C6orf132: variants seen among roughly 807,000 people sequenced by gnomAD.
C6orf132 encodes uncharacterized protein C6orf132.
Under a neutral mutation model 65.3 loss-of-function variants are expected in C6orf132, and 43 were observed. The ratio of observed to expected loss-of-function variants is 0.66; its 90% CI spans 0.52 to 0.85. The LOEUF (loss-of-function observed/expected upper bound fraction) is 0.85. C6orf132 is among the 40% of genes least tolerant of loss of function. The probability of loss-of-function intolerance (pLI) is 0.00; values close to 1 mark genes in which losing one functional copy is unlikely to be tolerated. For synonymous variants in C6orf132, 631 were observed against 654.1 expected, an observed-to-expected ratio of 0.96 and a Z score of 0.54; for missense variants, 1,488 against 1,548.8, an observed-to-expected ratio of 0.96 and a Z score of 0.66.
At position 42,124,989 on chromosome 6, in the gene C6orf132, C is replaced by T. The variant is rs1332733627; in HGVS notation, c.252+3683G>A. On this transcript the variant is annotated intron_variant, in intron 2 of 4. Transcript: ENST00000341865. The surrounding 1 kb of genome is among the most constrained non-coding windows in gnomAD (Gnocchi z 4.0). Reference sequence around the variant, plus strand: ...CTAAAGGCATATCATGGGTGGGCTTCAGTCCCCTGCTGAAATTGTAAGCAA... The same window carrying T: ...CTAAAGGCATATCATGGGTGGGCTTTAGTCCCCTGCTGAAATTGTAAGCAA... Among the ~76,000 whole-genome samples, 1 of 152,162 alleles carries T rather than the reference C, an allele frequency of 6.6e-6. No individual in the cohort carries two copies. The highest frequency in any genetic ancestry group is 1.5e-5 in the Non-Finnish European group (1 of 68,028).
intron 3 of C6orf132, among the ~76,000 whole-genome samples, chr6:42,108,458 G>A (rs1766447562): frequency 6.6e-6 from 1 of 152,134 alleles, no homozygotes; most frequent in African/African-American, 2.4e-5. Flanking sequence ...AGGGAAGGTG[G>A]GAAAGAGATA....
chr6:42,103,974 C>A, intron 4 of C6orf132, 96 bp from the exon 5 acceptor site: 1 of 864,634 alleles, frequency 1.2e-6, no homozygotes, highest in South Asian at 2.8e-5. Context: ...AGATGCTGCT[C>A]ATACTTCTGT....
chr6:42,125,373 G>A (rs1766747926), intron 2 of C6orf132, among the ~76,000 whole-genome samples: 1 of 152,198 alleles, frequency 6.6e-6, no homozygotes, highest in African/African-American at 2.4e-5. Context: ...TGCTCGGAGG[G>A]TGGCTTTGTT....
chr6:42,129,679 C>T (rs1019467225), intron 1 of C6orf132, among the ~76,000 whole-genome samples: 28 of 152,198 alleles, frequency 1.8e-4, no homozygotes, highest in African/African-American at 6.5e-4. Flanking sequence ...CCTCATGACC[C>T]TTGATACACA....
At chr6:42,125,462 C>A (rs1333490431) in intron 2 of C6orf132, among the ~76,000 whole-genome samples, 1 of 152,160 alleles carries the variant, frequency 6.6e-6, no homozygotes, top group African/African-American at 2.4e-5. Context: ...ACAGGCCGTG[C>A]CACTGGATGG....
chr6:42,121,238 G>A (rs1000188940), intron 2 of C6orf132, among the ~76,000 whole-genome samples: 10 of 152,144 alleles, frequency 6.6e-5, no homozygotes, highest in Non-Finnish European at 1.2e-4. Flanking sequence ...CCACTGCTCC[G>A]GGCACAGCCT....
Position 42,102,179 on chromosome 6 carries a change from CA to C in C6orf132, c.*1581del, listed in dbSNP as rs1766297668. The C allele has an allele frequency of 6.6e-6, 1 of 150,448 alleles. No homozygotes were observed. Among genetic ancestry groups the C allele is most frequent in the Non-Finnish European group, 1.5e-5 (1 of 67,950 alleles). The allele number at this position is 150,448 out of a possible 1,614,324, so 9.3% of individuals were successfully genotyped here. On this transcript the variant is annotated 3_prime_UTR_variant, in exon 5 of 5. Coordinates refer to ENST00000341865, the MANE Select transcript of C6orf132 (RefSeq NM_001164446.3). ...CAAGCATAAACCTGGACTGCCCAGGCAAAGGACACGTGGTCACCCTACTGAT... is the reference window on the plus strand; with the variant it reads ...CAAGCATAAACCTGGACTGCCCAGGCAAGGACACGTGGTCACCCTACTGAT...
intron 2 of C6orf132, among the ~76,000 whole-genome samples, chr6:42,127,511 G>A (rs1766785604): frequency 6.6e-6 from 1 of 152,166 alleles, no homozygotes; most frequent in Non-Finnish European, 1.5e-5. Context: ...TGCCAGGCAG[G>A]CAGTGCTAGG....
intron 1 of C6orf132, among the ~76,000 whole-genome samples, chr6:42,132,864 A>G (rs113171505): frequency 6.7e-6 from 1 of 148,574 alleles, no homozygotes; most frequent in South Asian, 2.1e-4. Context: ...CTCAAAAAAA[A>G]AAAAGAAAAG....
chr6:42,139,759 C>A (rs1767004722), intron 1 of C6orf132, among the ~76,000 whole-genome samples: 1 of 152,136 alleles, frequency 6.6e-6, no homozygotes, highest in Non-Finnish European at 1.5e-5. Context: ...TGGCCCAAGA[C>A]AATTCTTCTT....
intron 1 of C6orf132, among the ~76,000 whole-genome samples, chr6:42,138,709 G>A (rs929174446): frequency 1.3e-5 from 2 of 152,150 alleles, no homozygotes; most frequent in Admixed American, 6.5e-5. Flanking sequence ...GTGCAGCGGT[G>A]GTAGATAAAG....
chr6:42,109,275 A>T (rs929394955), intron 3 of C6orf132, among the ~76,000 whole-genome samples: 2 of 152,098 alleles, frequency 1.3e-5, no homozygotes, highest in African/African-American at 4.8e-5. Context: ...TCTACTAAAA[A>T]TACAAAAATT....
At position 42,105,108 on chromosome 6, in the gene C6orf132, C is replaced by T; in HGVS notation, c.2804G>A (p.Trp935Ter). The change falls in exon 4 of 5, where the codon TGG becomes TAG. Residue 935 changes from tryptophan (W) to a stop codon, truncating the protein, a stop_gained. Transcript: ENST00000341865. LOFTEE classifies it high-confidence loss of function. ...EGTELSRRHN[W>*]TKPEPQAPVA... ...AGGGGCCTGGGGCTCTGGCTTTGTCCAGTTGTGCCTGCGGCTCAGCTCTGT... is the reference window on the plus strand; with the variant it reads ...AGGGGCCTGGGGCTCTGGCTTTGTCTAGTTGTGCCTGCGGCTCAGCTCTGT... 1 of 1,537,006 alleles carries T rather than the reference C, an allele frequency of 6.5e-7. No individual in the cohort carries two copies. Among genetic ancestry groups the T allele is most frequent in the Non-Finnish European group, 8.7e-7 (1 of 1,146,868 alleles).
intron 2 of C6orf132, among the ~76,000 whole-genome samples, chr6:42,111,850 A>T (rs952079972): frequency 2.5e-4 from 38 of 152,034 alleles, no homozygotes; most frequent in African/African-American, 8.9e-4. Flanking sequence ...TTCCAAACAC[A>T]CATTTCCATA....
At chr6:42,139,576 A>C (rs899463249) in intron 1 of C6orf132, among the ~76,000 whole-genome samples, 32 of 152,268 alleles carry the variant, frequency 2.1e-4, no homozygotes, top group African/African-American at 6.8e-4. Context: ...CATGGGCCAG[A>C]ATGGAGCCAG....
At chr6:42,135,308 C>T (rs1766921859) in intron 1 of C6orf132, among the ~76,000 whole-genome samples, 2 of 152,204 alleles carry the variant, frequency 1.3e-5, no homozygotes, top group African/African-American at 4.8e-5. Flanking sequence ...TCAAACATGG[C>T]CCCTGACTTG....
chr6:42,105,852 G>A lies in C6orf132; in HGVS notation c.2060C>T (p.Ser687Phe), dbSNP rs1174510312. The change falls in exon 4 of 5, where the codon TCT becomes TTT. Residue 687 changes from serine to phenylalanine, a missense_variant. By Grantham distance (155) the Ser-to-Phe change is radical. Coordinates refer to ENST00000341865, the MANE Select transcript of C6orf132 (RefSeq NM_001164446.3). ...GGCTGTAGATGCTATGGCAGGGCCA[G>A]ATGTGGCCTTGAGTGGTGTGGTTGG... ...SGPTTPLKAT[S>F]GPAIASTATT... 2.0e-6 allele frequency: 3 copies of A among 1,537,136 alleles called. No homozygotes were observed. The African/African-American group carries it at 4.1e-5, about 21-fold the overall frequency.
At chr6:42,127,673 G>T (rs1766787323) in intron 2 of C6orf132, among the ~76,000 whole-genome samples, 1 of 152,132 alleles carries the variant, frequency 6.6e-6, no homozygotes, top group Non-Finnish European at 1.5e-5. Flanking sequence ...TGACAGCATT[G>T]TGCCACCCAT....
rs374479407 is a variant in C6orf132, at chr6:42,134,417, C to T, written c.146-5639G>A. Among the ~76,000 whole-genome samples the T allele has an allele frequency of 3.3e-5, 5 of 152,082 alleles. No homozygotes were observed. In the South Asian group the frequency reaches 6.2e-4, roughly 19 times the overall value. On this transcript the variant is annotated intron_variant, in intron 1 of 4. Coordinates refer to ENST00000341865, the MANE Select transcript of C6orf132 (RefSeq NM_001164446.3). ...AGGGTTGGCTGGGAGTGGTGGCTCA[C>T]GTCTGTAATCTCTGCATTTTGGGAG...
Sources: allele counts gnomAD v4.1 joint callset (sites outside exome capture counted in the v4.1 genomes callset), GRCh38; gene constraint gnomAD v4.1.1; non-coding constraint Gnocchi (gnomAD v3.1); transcripts MANE v1.5; gene names NCBI Gene and HGNC (gene_info 2026-07-23, HGNC 2026-07-21).